Variants in CHCHD3 observed in about 807,000 individuals in gnomAD.
The protein encoded by CHCHD3 is MICOS complex subunit MIC19.
CHCHD3 carries 20 observed loss-of-function variants against 38.2 expected under a neutral mutation model. The observed-to-expected ratio is 0.52, with a 90% CI of 0.37 to 0.76. The LOEUF (loss-of-function observed/expected upper bound fraction) is 0.76. Ranked by LOEUF, CHCHD3 falls within the 30% of genes least tolerant of loss-of-function variation. The pLI is 0.00. For missense variants in CHCHD3, 245 were observed against 279.2 expected (o/e 0.88, Z 0.87); for synonymous variants, 82 against 100.0 (o/e 0.82, Z 1.07).
intron 5 of CHCHD3, among the ~76,000 whole-genome samples, chr7:132,853,449 C>T (rs1032504167): frequency 6.6e-6 from 1 of 151,928 alleles, no homozygotes; most frequent in Admixed American, 6.6e-5. Flanking sequence ...GGTGAAACCC[C>T]GTCTCTACTA....
intron 4 of CHCHD3, among the ~76,000 whole-genome samples, chr7:132,947,577 C>T (rs1305143361): frequency 2.6e-5 from 4 of 151,912 alleles, no homozygotes; most frequent in Admixed American, 2.6e-4. Flanking sequence ...TTACATTTAA[C>T]AGACATTGAA....
chr7:132,848,506 A>T (rs1283308955), intron 5 of CHCHD3, among the ~76,000 whole-genome samples: 1 of 152,196 alleles, frequency 6.6e-6, no homozygotes, highest in Non-Finnish European at 1.5e-5. Context: ...GGAGTTCATG[A>T]CTTGTCAACC....
chr7:132,801,991 C>A (rs1806805495), intron 6 of CHCHD3, among the ~76,000 whole-genome samples: 1 of 151,996 alleles, frequency 6.6e-6, no homozygotes, highest in South Asian at 2.1e-4. Flanking sequence ...CAGGAAAATC[C>A]AAAAGAGAGG....
chr7:132,900,788 C>T (rs1472098436), intron 4 of CHCHD3, among the ~76,000 whole-genome samples: 1 of 152,136 alleles, frequency 6.6e-6, no homozygotes, highest in Non-Finnish European at 1.5e-5. Flanking sequence ...GTCAGGAGTT[C>T]AAGACCGGCC....
chr7:133,069,101 G>C (rs192839096), intron 2 of CHCHD3, among the ~76,000 whole-genome samples: 1 of 152,204 alleles, frequency 6.6e-6, no homozygotes, highest in Admixed American at 6.5e-5. Flanking sequence ...AAAACCAAGA[G>C]TGTGGTCCAG....
chr7:132,879,085 G>A (rs1808983633), intron 5 of CHCHD3, among the ~76,000 whole-genome samples: 1 of 152,104 alleles, frequency 6.6e-6, no homozygotes, highest in Non-Finnish European at 1.5e-5. Flanking sequence ...ATGAATAATA[G>A]GTAATATGTT....
At position 133,070,317 on chromosome 7, in the gene CHCHD3, T is replaced by C. The variant is rs1584686600; in HGVS notation, c.82-88A>G. On this transcript the variant is annotated intron_variant, in intron 1 of 7. Transcript: ENST00000262570. ...AACATCCAAGTAATTTAGTCATCCA[T>C]ATCCATACATATGACGAATGCCCTA... 7.1e-6 allele frequency: 7 copies of C among 980,872 alleles called. No homozygotes were observed. In the East Asian group the frequency reaches 1.8e-4, roughly 25 times the overall value. The allele number at this position is 980,872 out of a possible 1,614,324, so 60.8% of individuals were successfully genotyped here.
At chr7:133,031,283 T>C (rs778628123) in intron 2 of CHCHD3, among the ~76,000 whole-genome samples, 51 of 152,076 alleles carry the variant, frequency 3.4e-4, no homozygotes, top group Non-Finnish European at 4.7e-4. Flanking sequence ...AGGGAGGGAA[T>C]GGTACGGGGA....
intron 4 of CHCHD3, among the ~76,000 whole-genome samples, chr7:132,887,752 T>C (rs972507817): frequency 2.0e-5 from 3 of 151,828 alleles, no homozygotes; most frequent in African/African-American, 7.2e-5. Context: ...TATGGTGTCA[T>C]TATTCATCTA....
chr7:133,022,328 T>G (rs558991826), intron 3 of CHCHD3: 50 of 454,604 alleles, frequency 1.1e-4, no homozygotes, highest in African/African-American at 8.6e-4. Flanking sequence ...ATATACCATA[T>G]GAGTAACAGT....
intron 4 of CHCHD3, among the ~76,000 whole-genome samples, chr7:132,921,142 T>G (rs1192006978): frequency 1.3e-5 from 2 of 152,186 alleles, no homozygotes; most frequent in Non-Finnish European, 1.5e-5. Context: ...AACACTGATA[T>G]ATGTAAACTG....
rs1342732199 is a variant in CHCHD3, at chr7:132,999,860, T to C, written c.252-24574A>G. On this transcript the variant is annotated intron_variant, in intron 3 of 7. Coordinates refer to ENST00000262570, the MANE Select transcript of CHCHD3 (RefSeq NM_017812.4). ...CTCAATGATCTATTATTCAATTTGA[T>C]ATCACATATTTTAAGCATTGATTAA... Among the ~76,000 whole-genome samples the C allele has an allele frequency of 2.0e-5, 3 of 152,284 alleles. No individual in the cohort carries two copies. In the East Asian group the frequency reaches 5.8e-4, roughly 29 times the overall value.
intron 6 of CHCHD3, among the ~76,000 whole-genome samples, chr7:132,810,249 A>T (rs1807033554): frequency 6.6e-6 from 1 of 152,244 alleles, no homozygotes; most frequent in Non-Finnish European, 1.5e-5. Flanking sequence ...AGAAGAAAAT[A>T]CACCTTCGAA....
intron 6 of CHCHD3, chr7:132,815,686 T>C (rs905678135): frequency 1.6e-5 from 7 of 434,572 alleles, no homozygotes; most frequent in African/African-American, 1.4e-4. Flanking sequence ...AATTGCATTA[T>C]ACAGTCCTTT....
chr7:132,843,242 C>T (rs567642639), intron 5 of CHCHD3, among the ~76,000 whole-genome samples: 2 of 151,942 alleles, frequency 1.3e-5, no homozygotes, highest in African/African-American at 4.8e-5. Context: ...GTCTATGGAC[C>T]ACCTGCTTCA....
intron 4 of CHCHD3, among the ~76,000 whole-genome samples, chr7:132,894,804 A>C (rs115666100): frequency 6.6e-6 from 1 of 152,104 alleles, no homozygotes; most frequent in African/African-American, 2.4e-5. Context: ...CACATGATAT[A>C]CAGTGTGATT....
intron 6 of CHCHD3, among the ~76,000 whole-genome samples, chr7:132,822,410 A>G (rs1807401574): frequency 6.6e-6 from 1 of 152,068 alleles, no homozygotes; most frequent in Admixed American, 6.5e-5. Flanking sequence ...TTCACAAAAC[A>G]TGATTTCCTT....
chr7:133,046,339 G>T (rs1046736210), intron 2 of CHCHD3, among the ~76,000 whole-genome samples: 1 of 152,140 alleles, frequency 6.6e-6, no homozygotes, highest in Admixed American at 6.5e-5. Flanking sequence ...AGTAGTATTA[G>T]CCACAGTACC....
At chr7:132,801,588 A>T (rs1382698040) in intron 6 of CHCHD3, among the ~76,000 whole-genome samples, 1 of 152,244 alleles carries the variant, frequency 6.6e-6, no homozygotes, top group Non-Finnish European at 1.5e-5. Context: ...GTTACCAGAG[A>T]AAGGAATGCC....
Sources: allele counts gnomAD v4.1 joint callset (sites outside exome capture counted in the v4.1 genomes callset), GRCh38; gene constraint gnomAD v4.1.1; transcripts MANE v1.5; gene names NCBI Gene and HGNC (gene_info 2026-07-23, HGNC 2026-07-21).